Variants in FAM200B observed in about 807,000 individuals in gnomAD.
FAM200B encodes protein FAM200B.
FAM200B carries 32 observed loss-of-function variants against 33.1 expected under a neutral mutation model. The ratio of observed to expected loss-of-function variants is 0.97; its 90% CI spans 0.73 to 1.30. FAM200B has a LOEUF of 1.30. Among genes scored for constraint, FAM200B ranks in the 50% most tolerant of loss-of-function variants. The pLI, the probability that FAM200B is intolerant of heterozygous loss-of-function variation, is 0.00. For synonymous variants in FAM200B, 240 were observed against 264.8 expected, an observed-to-expected ratio of 0.91 and a Z score of 0.91; for missense variants, 741 against 754.0, an observed-to-expected ratio of 0.98 and a Z score of 0.20.
chr4:15,683,021 A>G (rs777132518), intron 1 of FAM200B, among the ~76,000 whole-genome samples: 72 of 152,230 alleles, frequency 4.7e-4, no homozygotes, highest in Non-Finnish European at 9.7e-4. Flanking sequence ...GAAGCTGATT[A>G]GAGCTGTATT....
At chr4:15,661,126 T>G in the FAM200B span, among the ~76,000 whole-genome samples, 1 of 152,208 alleles carries the variant, frequency 6.6e-6, no homozygotes, top group Admixed American at 6.5e-5. Context: ...ATTTTATTTG[T>G]GTAACCAATT....
In FAM200B at chr4:15,689,030, T is replaced by C; in HGVS notation, c.*79T>C. ...TTTCTATGTTATATTTAAATGGTACTATAATACTGTGATACTTTTGTTATG... is the reference window on the plus strand; with the variant it reads ...TTTCTATGTTATATTTAAATGGTACCATAATACTGTGATACTTTTGTTATG... On this transcript the variant is annotated 3_prime_UTR_variant, in exon 2 of 2. Coordinates refer to ENST00000422728, the MANE Select transcript of FAM200B (RefSeq NM_001145191.2). 1.0e-6 allele frequency: 1 copy of C among 1,003,768 alleles called. No homozygotes were observed. Among genetic ancestry groups the C allele is most frequent in the Non-Finnish European group, 1.3e-6 (1 of 749,712 alleles). The allele number at this position is 1,003,768 out of a possible 1,614,324, so 62.2% of individuals were successfully genotyped here.
Position 15,686,993 on chromosome 4 carries a change from A to G in FAM200B, c.16A>G (p.Ile6Val), listed in dbSNP as rs1185347275. Residue 6 changes from isoleucine to valine, a missense_variant, in exon 2 of 2, where the codon ATT (isoleucine) becomes GTT (valine). Ile to Val is a conservative substitution (Grantham distance 29). Transcript: ENST00000422728. Reference protein sequence around the residue: MDHFFIKRKRNSEVKY... With the variant: MDHFFVKRKRNSEVKY... Reference sequence around the variant, plus strand: ...TGCTATTAAAATGGATCATTTCTTTATTAAAAGAAAGAGGAATAGTGAAGT... The same window carrying G: ...TGCTATTAAAATGGATCATTTCTTTGTTAAAAGAAAGAGGAATAGTGAAGT... 5.8e-6 allele frequency: 8 copies of G among 1,390,086 alleles called. No individual in the cohort carries two copies. Among genetic ancestry groups the G allele is most frequent in the Non-Finnish European group, 6.7e-6 (7 of 1,047,906 alleles). The allele number at this position is 1,390,086 out of a possible 1,614,324, so 86.1% of individuals were successfully genotyped here. A position where few individuals can be genotyped will look rare whatever the true frequency, so the allele number is the denominator to read the frequency against.
the FAM200B span, among the ~76,000 whole-genome samples, chr4:15,644,271 G>A: frequency 6.6e-6 from 1 of 152,086 alleles, no homozygotes; most frequent in African/African-American, 2.4e-5. Context: ...ATCCCTACTT[G>A]TCCTTACTGT....
chr4:15,651,230 T>C, the FAM200B span, among the ~76,000 whole-genome samples: 1 of 152,160 alleles, frequency 6.6e-6, no homozygotes, highest in Non-Finnish European at 1.5e-5. Context: ...GTAAACTGTT[T>C]TGCATAAAAT....
the FAM200B span, among the ~76,000 whole-genome samples, chr4:15,669,395 T>C: frequency 2.0e-5 from 3 of 152,226 alleles, no homozygotes; most frequent in Non-Finnish European, 2.9e-5. Flanking sequence ...ATATATGTAG[T>C]GTTTTGTTAA....
At chr4:15,652,713 T>C in the FAM200B span, among the ~76,000 whole-genome samples, 7 of 152,180 alleles carry the variant, frequency 4.6e-5, no homozygotes, top group Non-Finnish European at 1.0e-4. Context: ...AGTAAATAAA[T>C]GGATGCTTCT....
chr4:15,669,358 A>G, the FAM200B span, among the ~76,000 whole-genome samples: 1 of 152,220 alleles, frequency 6.6e-6, no homozygotes, highest in East Asian at 1.9e-4. Context: ...GAGTAAAAAT[A>G]CAGTATTACT....
In FAM200B at chr4:15,688,349, G is replaced by A. The variant is rs568402447; in HGVS notation, c.1372G>A (p.Glu458Lys). 376 of 1,550,122 alleles carry A rather than the reference G, an allele frequency of 2.4e-4. 6 individuals are homozygous for A. In the South Asian group the frequency reaches 4.4e-3, roughly 18 times the overall value. Residue 458 changes from glutamate to lysine, a missense_variant, in exon 2 of 2, where the codon GAA becomes AAA. Physicochemically the swap from Glu to Lys is moderately conservative, Grantham distance 56 (BLOSUM62 1). Coordinates refer to ENST00000422728, the MANE Select transcript of FAM200B (RefSeq NM_001145191.2). ...GKNSDVFQHVERIQGFRKTLL... is the reference protein window; with the variant it reads ...GKNSDVFQHVKRIQGFRKTLL... ...AAACAGTGATGTATTCCAACATGTT[G>A]AACGTATCCAGGGATTTCGAAAGAC...
At chr4:15,656,718 T>A in the FAM200B span, among the ~76,000 whole-genome samples, 1 of 152,294 alleles carries the variant, frequency 6.6e-6, no homozygotes, top group Admixed American at 6.5e-5. Flanking sequence ...TATGCCTCAG[T>A]TTGCTCTGAC....
upstream of FAM200B, among the ~76,000 whole-genome samples, chr4:15,680,533 C>T (rs557185112): frequency 6.6e-6 from 1 of 152,000 alleles, no homozygotes; most frequent in Non-Finnish European, 1.5e-5. Flanking sequence ...AAAAATTAGC[C>T]TGGCATGGTG....
Position 15,682,356 on chromosome 4 carries a change from A to G in FAM200B, c.-743+455A>G, listed in dbSNP as rs573575609. 3.9e-5 allele frequency among the ~76,000 whole-genome samples: 6 copies of G among 152,326 alleles called. No individual in the cohort carries two copies. The East Asian group carries it at 9.6e-4, about 24-fold the overall frequency. Reference sequence around the variant, plus strand: ...CCAGCCTTAAAGATGCTTTTTTTAAATAGACGATTTTAGACAGAAAAAAGG... The same window carrying G: ...CCAGCCTTAAAGATGCTTTTTTTAAGTAGACGATTTTAGACAGAAAAAAGG... On this transcript the variant is annotated intron_variant, in intron 1 of 1. Coordinates refer to ENST00000422728, the MANE Select transcript of FAM200B (RefSeq NM_001145191.2).
chr4:15,652,776 G>A, the FAM200B span, among the ~76,000 whole-genome samples: 1 of 152,144 alleles, frequency 6.6e-6, no homozygotes, highest in African/African-American at 2.4e-5. Context: ...CTGACTTCTT[G>A]ATAATAACTG....
At chr4:15,637,066 A>G in the FAM200B span, among the ~76,000 whole-genome samples, 1 of 152,234 alleles carries the variant, frequency 6.6e-6, no homozygotes, top group Admixed American at 6.5e-5. Context: ...GAGATCTCCA[A>G]GGCATTTTTA....
chr4:15,678,263 C>G (rs767023223), upstream of FAM200B, among the ~76,000 whole-genome samples: 7 of 152,166 alleles, frequency 4.6e-5, no homozygotes, highest in Admixed American at 6.5e-5. Context: ...TTCAATCTAA[C>G]AAGAATGGCT....
the FAM200B span, among the ~76,000 whole-genome samples, chr4:15,657,094 C>T: frequency 6.6e-6 from 1 of 152,136 alleles, no homozygotes; most frequent in African/African-American, 2.4e-5. Flanking sequence ...CCCTTTCACC[C>T]CGTTTCTCGT....
At chr4:15,642,635 T>G in the FAM200B span, among the ~76,000 whole-genome samples, 1 of 152,202 alleles carries the variant, frequency 6.6e-6, no homozygotes, top group Non-Finnish European at 1.5e-5. Flanking sequence ...CAATATTCAG[T>G]CTAATGTCCT....
At chr4:15,673,380 G>GCAGT in the FAM200B span, among the ~76,000 whole-genome samples, 1 of 152,120 alleles carries the variant, frequency 6.6e-6, no homozygotes, top group Admixed American at 6.5e-5. Flanking sequence ...GGTCGAGGCT[G>GCAGT]CAGTGAGCCA....
chr4:15,676,001 G>A, the FAM200B span, among the ~76,000 whole-genome samples: 1 of 152,172 alleles, frequency 6.6e-6, no homozygotes, highest in African/African-American at 2.4e-5. Flanking sequence ...AGTGAGAGGT[G>A]AAAAAGAGCT....
Sources: allele counts gnomAD v4.1 joint callset (sites outside exome capture counted in the v4.1 genomes callset), GRCh38; gene constraint gnomAD v4.1.1; transcripts MANE v1.5; gene names NCBI Gene and HGNC (gene_info 2026-07-23, HGNC 2026-07-21).